The following CCDC170 variants were observed in gnomAD, a reference collection of about 807,000 sequenced individuals.
CCDC170 encodes the protein coiled-coil domain containing 170.
Under a neutral mutation model 72.6 loss-of-function variants are expected in CCDC170, and 69 were observed. That is an observed-to-expected ratio of 0.95 (90% CI 0.78 to 1.16). CCDC170 has a LOEUF of 1.16. Among genes scored for constraint, CCDC170 ranks in the 50% most tolerant of loss-of-function variants. The pLI is 0.00. For missense variants in CCDC170, 852 were observed against 832.5 expected (o/e 1.02, Z -0.29); for synonymous variants, 300 against 303.9 (o/e 0.99, Z 0.13).
rs201344599 is a variant in CCDC170, at chr6:151,538,057, C to T, written c.199C>T (p.Arg67Ter). 3.5e-5 allele frequency: 56 copies of T among 1,609,076 alleles called. No individual in the cohort carries two copies. The highest frequency in any genetic ancestry group is 6.7e-5 in the African/African-American group (5 of 74,348). The change falls in exon 3 of 11, where the codon CGA becomes TGA. Residue 67 changes from arginine (R) to a stop codon, truncating the protein, a stop_gained. Coordinates refer to ENST00000239374, the MANE Select transcript of CCDC170 (RefSeq NM_025059.4). LOFTEE classifies it high-confidence loss of function. ...TTTTCCATGTTAGCTTCAAGACCTCCGATCCAAGATGCTTTCTAAAGAAGT... is the reference window on the plus strand; with the variant it reads ...TTTTCCATGTTAGCTTCAAGACCTCTGATCCAAGATGCTTTCTAAAGAAGT... ...ECAQSELQDL[R>*]SKMLSKEVSC...
rs1031733846 is a variant in CCDC170, at chr6:151,620,109, G to A, written c.*1962G>A. On this transcript the variant is annotated 3_prime_UTR_variant, in exon 11 of 11. Transcript: ENST00000239374. ...AAATCTGAGAATCCACAGTGCTACAGACAATAAGTGATAAAATGGGAAAAA... is the reference window on the plus strand; with the variant it reads ...AAATCTGAGAATCCACAGTGCTACAAACAATAAGTGATAAAATGGGAAAAA... The A allele has an allele frequency of 6.9e-5, 9 of 131,160 alleles. No individual in the cohort carries two copies. Among genetic ancestry groups the A allele is most frequent in the African/African-American group, 2.7e-4 (9 of 33,838 alleles). 8.1% of individuals were successfully genotyped at this position (131,160 alleles called of 1,614,324 possible). A position where few individuals can be genotyped will look rare whatever the true frequency, so the allele number is the denominator to read the frequency against.
At chr6:151,507,020 T>A (rs1782075514) in intron 1 of CCDC170, among the ~76,000 whole-genome samples, 1 of 152,148 alleles carries the variant, frequency 6.6e-6, no homozygotes. Flanking sequence ...TACATACACA[T>A]CCTATTGGTT....
chr6:151,509,996 G>A (rs577601848), intron 1 of CCDC170, among the ~76,000 whole-genome samples: 18 of 152,242 alleles, frequency 1.2e-4, no homozygotes, highest in Admixed American at 3.3e-4. Context: ...GGTGGTGCGC[G>A]CCTGTAATCC....
At chr6:151,535,225 C>T (rs1782556815) in intron 1 of CCDC170, among the ~76,000 whole-genome samples, 1 of 152,140 alleles carries the variant, frequency 6.6e-6, no homozygotes, top group African/African-American at 2.4e-5. Flanking sequence ...GGATATATGA[C>T]TTGTCTTGAA....
Position 151,536,400 on chromosome 6 carries a change from G to A in CCDC170, c.140G>A (p.Ser47Asn). 4 of 1,614,146 alleles carry A rather than the reference G, an allele frequency of 2.5e-6. No homozygotes were observed. Among genetic ancestry groups the A allele is most frequent in the Non-Finnish European group, 2.5e-6 (3 of 1,180,014 alleles). The change falls in exon 2 of 11, where the codon AGT becomes AAT. Residue 47 changes from serine to asparagine, a missense_variant. Physicochemically the swap from Ser to Asn is conservative, Grantham distance 46 (BLOSUM62 1). Transcript: ENST00000239374. ...HYRNVAQNAR[S>N]ELAATLVKFE... is the part of the protein sequence containing the mutation. ...CGGAATGTGGCTCAAAATGCTCGAA[G>A]TGAACTTGCAGCAACTTTGGTCAAA...
chr6:151,615,694 G>A lies in CCDC170; in HGVS notation c.1947+15G>A, dbSNP rs1168670535. On this transcript the variant is annotated intron_variant, in intron 10 of 10. Coordinates refer to ENST00000239374, the MANE Select transcript of CCDC170 (RefSeq NM_025059.4). ...GAGAAAAGCAGGTGGGTCTAAATCT[G>A]GTGATGAAACCTTGTTTAGGAAATG... is the stretch of plus-strand genomic sequence containing the variant. 3 of 1,552,654 alleles carry A rather than the reference G, an allele frequency of 1.9e-6. No individual in the cohort carries two copies. Among genetic ancestry groups the A allele is most frequent in the East Asian group, 2.2e-5 (1 of 44,560 alleles).
intron 1 of CCDC170, among the ~76,000 whole-genome samples, chr6:151,502,505 A>C (rs911151744): frequency 6.6e-6 from 1 of 152,220 alleles, no homozygotes; most frequent in Non-Finnish European, 1.5e-5. Context: ...TAAGGCCATC[A>C]TAGTCTAACC....
chr6:151,568,914 A>G lies in CCDC170; in HGVS notation c.775-4260A>G, dbSNP rs1057020024. Among the ~76,000 whole-genome samples, 4 of 152,216 alleles carry G rather than the reference A, an allele frequency of 2.6e-5. No individual in the cohort carries two copies. In the East Asian group the frequency reaches 7.7e-4, roughly 29 times the overall value. ...TACATATTCCTCATTTTCTATATTT[A>G]GTAACCTATCTTATAGATATATCCT... On this transcript the variant is annotated intron_variant, in intron 5 of 10. Transcript: ENST00000239374.
At chr6:151,535,972 C>T (rs1245224470) in intron 1 of CCDC170, among the ~76,000 whole-genome samples, 1 of 152,040 alleles carries the variant, frequency 6.6e-6, no homozygotes, top group Non-Finnish European at 1.5e-5. Context: ...TCTGGTCAGG[C>T]TGGTCTGGAA....
rs866289912 is a variant in CCDC170 at position 151,548,379 on chromosome 6, G to A, written c.664G>A (p.Glu222Lys). 6.2e-7 allele frequency: 1 copy of A among 1,613,018 alleles called. No individual in the cohort carries two copies. Among genetic ancestry groups the A allele is most frequent in the Non-Finnish European group, 8.5e-7 (1 of 1,179,344 alleles). Residue 222 changes from glutamate to lysine, a missense_variant, in exon 5 of 11, where the codon GAG becomes AAG. Coordinates refer to ENST00000239374, the MANE Select transcript of CCDC170 (RefSeq NM_025059.4). Reference protein sequence around the residue: ...VILEETINVHEMEAKASRETI... With the variant: ...VILEETINVHKMEAKASRETI... ...TCTTGAAGAGACTATAAATGTCCAT[G>A]AGATGGAAGCAAAAGCTAGCAGAGA... is the stretch of plus-strand genomic sequence containing the variant.
intron 5 of CCDC170, among the ~76,000 whole-genome samples, chr6:151,555,451 A>C (rs1359913951): frequency 1.3e-5 from 2 of 152,204 alleles, no homozygotes; most frequent in Non-Finnish European, 2.9e-5. Context: ...ACCTCTTTAC[A>C]ATTCTAGAAT....
Position 151,538,320 on chromosome 6 carries a change from A to G in CCDC170, c.443+19A>G. On this transcript the variant is annotated intron_variant, in intron 3 of 10. Transcript: ENST00000239374. ...AATTACAGTAAGGATACTGCAATAT[A>G]TTTTTCGCTTTAGCTAGCATTAAAA... 1 of 1,602,496 alleles carries G rather than the reference A, an allele frequency of 6.2e-7. No individual in the cohort carries two copies. The highest frequency in any genetic ancestry group is 8.5e-7 in the Non-Finnish European group (1 of 1,173,482).
intron 5 of CCDC170, among the ~76,000 whole-genome samples, chr6:151,558,259 G>A (rs1010112170): frequency 2.5e-4 from 15 of 60,524 alleles, no homozygotes; most frequent in African/African-American, 9.7e-4. Flanking sequence ...TTTTTTTAAT[G>A]TTGACTTGCT....
intron 2 of CCDC170, 71 bp downstream of exon 2, chr6:151,536,517 C>T: frequency 6.4e-7 from 1 of 1,557,632 alleles, no homozygotes; most frequent in Non-Finnish European, 8.8e-7. Context: ...CAGATCACGC[C>T]TGTAATCCCA....
Position 151,586,103 on chromosome 6 carries a change from G to A in CCDC170, c.1293+14G>A. On this transcript the variant is annotated intron_variant, in intron 7 of 10. Transcript: ENST00000239374. ...GAGAAACAAAAAGTAATGACCCGAG[G>A]GCATGTCCATGAGTGGAAGCATCTG... is the stretch of plus-strand genomic sequence containing the variant. The A allele has an allele frequency of 1.2e-6, 2 of 1,612,720 alleles. No homozygotes were observed. Among genetic ancestry groups the A allele is most frequent in the Non-Finnish European group, 1.7e-6 (2 of 1,179,068 alleles).
At chr6:151,616,023 C>A in intron 10 of CCDC170, 1 of 216,344 alleles carries the variant, frequency 4.6e-6, no homozygotes, top group Non-Finnish European at 9.2e-6. Context: ...TTCCATGGCA[C>A]AAATTGTAGG....
At position 151,618,175 on chromosome 6, in the gene CCDC170, A is replaced by G. The variant is rs1281497640; in HGVS notation, c.*28A>G. 5.7e-6 allele frequency: 9 copies of G among 1,579,640 alleles called. No homozygotes were observed. Among genetic ancestry groups the G allele is most frequent in the East Asian group, 2.2e-5 (1 of 44,468 alleles). On this transcript the variant is annotated 3_prime_UTR_variant, in exon 11 of 11. Coordinates refer to ENST00000239374, the MANE Select transcript of CCDC170 (RefSeq NM_025059.4). ...ACTGTATCTCTTGAGAGAGGTGGCCATAAGACATGGCACACAATTCCCAAT... is the reference window on the plus strand; with the variant it reads ...ACTGTATCTCTTGAGAGAGGTGGCCGTAAGACATGGCACACAATTCCCAAT...
At chr6:151,572,797 G>C (rs1226121474) in intron 5 of CCDC170, among the ~76,000 whole-genome samples, 1 of 151,578 alleles carries the variant, frequency 6.6e-6, no homozygotes, top group Non-Finnish European at 1.5e-5. Context: ...TTACAGGTGT[G>C]CGCCACTATG....
At chr6:151,522,375 C>A (rs1782333132) in intron 1 of CCDC170, among the ~76,000 whole-genome samples, 1 of 152,076 alleles carries the variant, frequency 6.6e-6, no homozygotes, top group Non-Finnish European at 1.5e-5. Flanking sequence ...ATGTTCAATT[C>A]TTTGACTTCT....
Sources: allele counts gnomAD v4.1 joint callset (sites outside exome capture counted in the v4.1 genomes callset), GRCh38; gene constraint gnomAD v4.1.1; transcripts MANE v1.5; gene names NCBI Gene and HGNC (gene_info 2026-07-23, HGNC 2026-07-21).